ACSF2: variants seen among roughly 807,000 people sequenced by gnomAD.
ACSF2 encodes the protein medium-chain acyl-CoA ligase ACSF2, mitochondrial.
A neutral mutation model predicts 79.3 loss-of-function variants in ACSF2; 52 were observed. The observed-to-expected ratio is 0.66, with a 90% CI of 0.53 to 0.83. ACSF2 has a LOEUF of 0.83. Ranked by LOEUF, ACSF2 falls within the 40% of genes least tolerant of loss-of-function variation. ACSF2 has a pLI of 0.00. For missense variants in ACSF2, 661 were observed against 803.3 expected (o/e 0.82, Z 2.14); for synonymous variants, 283 against 312.6 (o/e 0.91, Z 1.00).
At position 50,463,892 on chromosome 17, in the gene ACSF2, T is replaced by C; in HGVS notation, c.1121T>C (p.Ile374Thr). 1 of 1,614,022 alleles carries C rather than the reference T, an allele frequency of 6.2e-7. No homozygotes were observed. Among genetic ancestry groups the C allele is most frequent in the Non-Finnish European group, 8.5e-7 (1 of 1,179,982 alleles). The change falls in exon 9 of 16, where the codon ATC becomes ACC. Residue 374 changes from isoleucine (I) to threonine (T), a missense_variant. Transcript: ENST00000300441. The surrounding 1 kb of genome is among the most constrained non-coding windows in gnomAD (Gnocchi z 4.6). ...LNQPDFSSYD[I>T]STMCGGVIAG... ...CAGCCAGACTTCTCCAGTTATGACA[T>C]CTCGACCATGTGTGGAGGTGGGGTG...
intron 10 of ACSF2, 25 bp downstream of exon 10, chr17:50,464,319 T>G: frequency 3.1e-6 from 5 of 1,608,980 alleles, no homozygotes; most frequent in Non-Finnish European, 4.3e-6. Context: ...CGGCCCGGGC[T>G]GTGGGCAGGC....
intron 10 of ACSF2, chr17:50,465,514 C>A: frequency 6.4e-7 from 1 of 1,561,304 alleles, no homozygotes; most frequent in Non-Finnish European, 8.7e-7. Flanking sequence ...AACTATGGGG[C>A]CAGGATTGAC....
intron 6 of ACSF2, 34 bp downstream of exon 6, chr17:50,462,619 T>C (rs200301561): frequency 3.7e-6 from 6 of 1,602,676 alleles, no homozygotes; most frequent in Non-Finnish European, 5.1e-6. Flanking sequence ...CAAGCCCAGA[T>C]GGACACATGC....
intron 1 of ACSF2, among the ~76,000 whole-genome samples, chr17:50,437,734 G>A (rs1001700205): frequency 6.6e-6 from 1 of 151,960 alleles, no homozygotes; most frequent in African/African-American, 2.4e-5. Context: ...CTAGGAAGTT[G>A]CTTCATCTTT....
intron 1 of ACSF2, among the ~76,000 whole-genome samples, chr17:50,437,042 C>T (rs757206439): frequency 7.2e-5 from 11 of 152,220 alleles, no homozygotes; most frequent in Non-Finnish European, 1.0e-4. Context: ...CCCATATCAA[C>T]GACCACTGGA....
Position 50,462,654 on chromosome 17 carries a change from G to A in ACSF2, c.792+69G>A, listed in dbSNP as rs534901579. On this transcript the variant is annotated intron_variant, in intron 6 of 15. Transcript: ENST00000300441. ...CCCCCTGTCCCTGTGACACTTCCGCGGGGATGGGGAGACAGCAGAGGAGAG... is the reference window on the plus strand; with the variant it reads ...CCCCCTGTCCCTGTGACACTTCCGCAGGGATGGGGAGACAGCAGAGGAGAG... 4.4e-4 allele frequency: 687 copies of A among 1,547,696 alleles called. 1 individual carries two copies. Among genetic ancestry groups the A allele is most frequent in the Non-Finnish European group, 5.4e-4 (610 of 1,132,698 alleles).
intron 1 of ACSF2, among the ~76,000 whole-genome samples, chr17:50,454,851 T>C (rs139960167): frequency 9.5e-4 from 144 of 152,306 alleles, no homozygotes; most frequent in Middle Eastern, 3.4e-3. Context: ...AACTGGATTT[T>C]TTTTTTTCCC....
chr17:50,429,025 G>A (rs763834234), intron 1 of ACSF2, among the ~76,000 whole-genome samples: 7 of 152,344 alleles, frequency 4.6e-5, no homozygotes, highest in East Asian at 1.9e-4. Context: ...TGTTTTCTCC[G>A]ATCTGCTCAC....
intron 12 of ACSF2, chr17:50,473,282 AC>A (rs1029322693): frequency 1.0e-5 from 2 of 198,106 alleles, no homozygotes; most frequent in Non-Finnish European, 2.1e-5. Flanking sequence ...AAATGAACAA[AC>A]AAAAAACACT....
At position 50,467,508 on chromosome 17, in the gene ACSF2, T is replaced by G. The variant is rs1171101215; in HGVS notation, c.1215+3214T>G. On this transcript the variant is annotated intron_variant, in intron 10 of 15. Transcript: ENST00000300441. ...CAGGGCCTCTATGGGGCATGGAGAA[T>G]GTCTTCCTCAGGCATTTGCTTCCCC... Among the ~76,000 whole-genome samples, 7 of 152,274 alleles carry G rather than the reference T, an allele frequency of 4.6e-5. No homozygotes were observed. In the East Asian group the frequency reaches 1.4e-3, roughly 29 times the overall value.
At chr17:50,449,391 T>A (rs983282520) in intron 1 of ACSF2, among the ~76,000 whole-genome samples, 3 of 150,528 alleles carry the variant, frequency 2.0e-5, no homozygotes, top group Admixed American at 2.0e-4. Context: ...GTAATATGTA[T>A]CAGTACTTCA....
At chr17:50,444,531 G>C (rs933516003) in intron 1 of ACSF2, among the ~76,000 whole-genome samples, 3 of 151,938 alleles carry the variant, frequency 2.0e-5, no homozygotes, top group African/African-American at 7.2e-5. Context: ...CTCCAGCCTG[G>C]CGATAGTGTG....
chr17:50,433,696 G>C (rs1413280334), intron 1 of ACSF2, among the ~76,000 whole-genome samples: 1 of 152,068 alleles, frequency 6.6e-6, no homozygotes, highest in East Asian at 2.0e-4. Flanking sequence ...ACGGCTCACT[G>C]TAGCCTTGAC....
intron 6 of ACSF2, 92 bp downstream of exon 6, chr17:50,462,677 G>C: frequency 1.4e-6 from 2 of 1,439,620 alleles, no homozygotes; most frequent in Non-Finnish European, 1.9e-6. Context: ...CAGCAGAGGA[G>C]AGCATGCCTT....
At chr17:50,432,932 A>G (rs2030064296) in intron 1 of ACSF2, among the ~76,000 whole-genome samples, 1 of 152,144 alleles carries the variant, frequency 6.6e-6, no homozygotes, top group Non-Finnish European at 1.5e-5. Context: ...TAAGGCTGTG[A>G]TTTGAAGTAT....
At chr17:50,427,509 TC>T (rs1915103579) in intron 1 of ACSF2, among the ~76,000 whole-genome samples, 1 of 151,992 alleles carries the variant, frequency 6.6e-6, no homozygotes, top group Non-Finnish European at 1.5e-5. Context: ...CCCTGGGAAG[TC>T]ACTCACTACT....
At chr17:50,445,659 G>C (rs1229473805) in intron 1 of ACSF2, among the ~76,000 whole-genome samples, 1 of 152,022 alleles carries the variant, frequency 6.6e-6, no homozygotes, top group African/African-American at 2.4e-5. Flanking sequence ...TAATTATCTA[G>C]GTCTGCTGGT....
Position 50,471,142 on chromosome 17 carries a change from C to T in ACSF2, c.1323+7C>T, listed in dbSNP as rs777455241. The T allele has an allele frequency of 1.9e-6, 3 of 1,612,768 alleles. No individual in the cohort carries two copies. Among genetic ancestry groups the T allele is most frequent in the Non-Finnish European group, 2.5e-6 (3 of 1,178,898 alleles). On this transcript the variant is annotated splice_region_variant and intron_variant, in intron 11 of 15. Coordinates refer to ENST00000300441, the MANE Select transcript of ACSF2 (RefSeq NM_025149.6). This position sits in a 1 kb window ranked among gnomAD's most constrained non-coding sequence, Gnocchi z 4.1. ...AATTATGCCTCACACGGAGGTGAGC[C>T]CCTGACCAAGACTCCAAAGTCCCAC...
chr17:50,428,041 A>G (rs1915163251), intron 1 of ACSF2, among the ~76,000 whole-genome samples: 1 of 152,238 alleles, frequency 6.6e-6, no homozygotes, highest in African/African-American at 2.4e-5. Context: ...CTCAGGGCTC[A>G]GGCCAGGCAA....
Sources: gnomAD v4.1 joint callset for allele counts (sites outside exome capture counted in the v4.1 genomes callset) on GRCh38, gnomAD v4.1.1 for gene constraint, Gnocchi (gnomAD v3.1) non-coding constraint, MANE v1.5 for transcripts, NCBI Gene and HGNC (gene_info 2026-07-23, HGNC 2026-07-21) for gene names.